The following OPCML variants were observed in gnomAD, a reference collection of about 807,000 sequenced individuals.
OPCML encodes opioid binding protein/cell adhesion molecule like, also known as opioid-binding protein/cell adhesion molecule.
A neutral mutation model predicts 37.8 loss-of-function variants in OPCML; 13 were observed. The observed-to-expected ratio is 0.34, with a 90% CI of 0.22 to 0.55. OPCML has a LOEUF of 0.55. Ranked by LOEUF, OPCML falls within the 20% of genes least tolerant of loss-of-function variation. The probability of loss-of-function intolerance (pLI) is 0.91; values close to 1 mark genes in which losing one functional copy is unlikely to be tolerated. For synonymous variants in OPCML, 176 were observed against 168.8 expected (o/e 1.04, Z -0.33); for missense variants, 341 against 435.6 (o/e 0.78, Z 1.93).
intron 2 of OPCML, among the ~76,000 whole-genome samples, chr11:132,809,219 C>T (rs751988068): frequency 3.3e-5 from 5 of 152,204 alleles, no homozygotes; most frequent in African/African-American, 7.2e-5. Context: ...GCATACGTGG[C>T]TCATTTCCCA....
intron 2 of OPCML, among the ~76,000 whole-genome samples, chr11:132,767,529 A>G (rs555845539): frequency 1.6e-4 from 25 of 152,298 alleles, no homozygotes; most frequent in African/African-American, 5.8e-4. Context: ...ACTCTCTGGC[A>G]GTCATGGGGA....
chr11:132,608,041 A>G (rs1312383214), intron 3 of OPCML, among the ~76,000 whole-genome samples: 1 of 152,230 alleles, frequency 6.6e-6, no homozygotes, highest in Non-Finnish European at 1.5e-5. Flanking sequence ...AGAGACAAAT[A>G]TTTGAGGTGA....
chr11:132,966,769 C>T (rs1946224200), intron 1 of OPCML, among the ~76,000 whole-genome samples: 1 of 151,958 alleles, frequency 6.6e-6, no homozygotes, highest in Admixed American at 6.5e-5. Flanking sequence ...TTTGTATATT[C>T]CTGATGGATT....
chr11:132,920,382 G>T (rs923408993), intron 2 of OPCML, among the ~76,000 whole-genome samples: 1 of 152,216 alleles, frequency 6.6e-6, no homozygotes, highest in African/African-American at 2.4e-5. Flanking sequence ...CATCTGTGAA[G>T]TGGAGAGAAC....
In OPCML at chr11:132,705,335, C is replaced by A. The variant is rs181102047; in HGVS notation, c.147-48016G>T. Among the ~76,000 whole-genome samples the A allele has an allele frequency of 1.6e-3, 243 of 152,068 alleles. 1 individual carries two copies. Among genetic ancestry groups the A allele is most frequent in the African/African-American group, 5.6e-3 (234 of 41,470 alleles). On this transcript the variant is annotated intron_variant, in intron 2 of 7. Transcript: ENST00000524381. ...GCTGGGCACTGTGGTTCATGCCTGT[C>A]ATCTGGGCACTTTGGGAGGCTGAGG...
intron 1 of OPCML, among the ~76,000 whole-genome samples, chr11:133,310,085 G>A (rs753412279): frequency 2.6e-5 from 4 of 152,326 alleles, no homozygotes; most frequent in South Asian, 2.1e-4. Flanking sequence ...GGATAAAATC[G>A]TAGAGAAAGA....
intron 1 of OPCML, among the ~76,000 whole-genome samples, chr11:133,222,818 C>T (rs141158356): frequency 1.9e-4 from 29 of 151,430 alleles, no homozygotes; most frequent in African/African-American, 5.3e-4. Context: ...AAAGGGGGGC[C>T]GAGCCGGGGA....
chr11:132,608,288 A>G (rs934743506), intron 3 of OPCML, among the ~76,000 whole-genome samples: 1 of 152,010 alleles, frequency 6.6e-6, no homozygotes, highest in Non-Finnish European at 1.5e-5. Flanking sequence ...ACTTCTAGTC[A>G]GCAGCCAGCT....
chr11:133,428,705 G>A (rs1270588356), intron 1 of OPCML, among the ~76,000 whole-genome samples: 2 of 152,002 alleles, frequency 1.3e-5, no homozygotes, highest in African/African-American at 4.8e-5. Context: ...TAAATGAAGA[G>A]GCATACTACA....
intron 2 of OPCML, among the ~76,000 whole-genome samples, chr11:132,751,195 A>T (rs759449091): frequency 2.0e-5 from 3 of 151,974 alleles, no homozygotes; most frequent in Non-Finnish European, 4.4e-5. Context: ...ATCTTCCATC[A>T]TTCTATATCT....
Position 133,073,573 on chromosome 11 carries a change from G to T in OPCML, c.62-130563C>A, listed in dbSNP as rs372591141. ...GCCAGCCATAGAAACTAGACTGCAG[G>T]CTCCTTGGGGGTAAGAGTTACATCA... On this transcript the variant is annotated intron_variant, in intron 1 of 7. Coordinates refer to ENST00000524381, the MANE Select transcript of OPCML (RefSeq NM_001012393.5). Among the ~76,000 whole-genome samples, 4 of 152,226 alleles carry T rather than the reference G, an allele frequency of 2.6e-5. No individual in the cohort carries two copies. The East Asian group carries it at 7.7e-4, about 29-fold the overall frequency.
chr11:132,589,330 T>G (rs762586828), intron 3 of OPCML, among the ~76,000 whole-genome samples: 1 of 152,194 alleles, frequency 6.6e-6, no homozygotes, highest in Non-Finnish European at 1.5e-5. Context: ...TAAAAAAAAG[T>G]AGCCCATTGA....
At chr11:133,450,534 C>T (rs1448845560) in intron 1 of OPCML, among the ~76,000 whole-genome samples, 2 of 151,162 alleles carry the variant, frequency 1.3e-5, no homozygotes, top group Non-Finnish European at 2.9e-5. Flanking sequence ...AGAATATCAA[C>T]ACATCTCTGA....
intron 1 of OPCML, among the ~76,000 whole-genome samples, chr11:133,462,922 G>A (rs902241803): frequency 6.6e-6 from 1 of 152,100 alleles, no homozygotes; most frequent in Non-Finnish European, 1.5e-5. Context: ...CCAAAAGGTG[G>A]AAGCAACTCA....
chr11:133,130,320 G>C (rs1565462234), intron 1 of OPCML, among the ~76,000 whole-genome samples: 1 of 152,084 alleles, frequency 6.6e-6, no homozygotes, highest in Non-Finnish European at 1.5e-5. Flanking sequence ...ATAACTTCAA[G>C]AGGCCAAATA....
chr11:132,435,480 G>A (rs925934622), intron 7 of OPCML, among the ~76,000 whole-genome samples: 6 of 152,340 alleles, frequency 3.9e-5, no homozygotes, highest in East Asian at 1.9e-4. Context: ...ATATGGATGC[G>A]GCAGTGTGGG....
At chr11:133,063,096 C>T (rs914415943) in intron 1 of OPCML, among the ~76,000 whole-genome samples, 8 of 152,204 alleles carry the variant, frequency 5.3e-5, no homozygotes, top group South Asian at 2.1e-4. Context: ...TGAGTTCTAC[C>T]GGTCAGTCCA....
chr11:132,611,170 G>T (rs1163414511), intron 3 of OPCML, among the ~76,000 whole-genome samples: 2 of 152,164 alleles, frequency 1.3e-5, no homozygotes, highest in Non-Finnish European at 2.9e-5. Context: ...GGGGGTGGTT[G>T]CCATTTCTAA....
chr11:132,730,125 G>A (rs1399878012), intron 2 of OPCML, among the ~76,000 whole-genome samples: 1 of 145,430 alleles, frequency 6.9e-6, no homozygotes, highest in Non-Finnish European at 1.5e-5. Context: ...GGAATTATCT[G>A]CCTCAGCCTC....
Sources: allele counts gnomAD v4.1 joint callset (sites outside exome capture counted in the v4.1 genomes callset), GRCh38; gene constraint gnomAD v4.1.1; transcripts MANE v1.5; gene names NCBI Gene and HGNC (gene_info 2026-07-23, HGNC 2026-07-21).